The following EIF4G2 variants were observed in gnomAD, a reference collection of about 807,000 sequenced individuals.
EIF4G2 encodes the protein DAP-5.
EIF4G2 carries 8 observed loss-of-function variants against 117.7 expected under a neutral mutation model. The observed-to-expected ratio is 0.07, with a 90% confidence interval of 0.04 to 0.12. The LOEUF is 0.12. EIF4G2 is among the 10% of genes least tolerant of loss of function. The pLI is 1.00. For missense variants in EIF4G2, 812 were observed against 1,086.2 expected (o/e 0.75, Z 3.55); for synonymous variants, 413 against 367.8 (o/e 1.12, Z -1.41).
In EIF4G2 at chr11:10,800,714, G is replaced by A. The variant is rs1564981479; in HGVS notation, c.1644+17C>T. ...AATACAGGCTAATTACACTAAAATG[G>A]GATATTTGAAACTTACAGTTAGTTT... On this transcript the variant is annotated intron_variant, in intron 16 of 21. Coordinates refer to ENST00000339995, the MANE Select transcript of EIF4G2 (RefSeq NM_001418.4). 5 of 1,613,956 alleles carry A rather than the reference G, an allele frequency of 3.1e-6. No individual in the cohort carries two copies. Among genetic ancestry groups the A allele is most frequent in the East Asian group, 2.2e-5 (1 of 44,884 alleles).
chr11:10,800,403 C>T, intron 17 of EIF4G2, 29 bp downstream of exon 17: 1 of 1,613,470 alleles, frequency 6.2e-7, no homozygotes, highest in Non-Finnish European at 8.5e-7. Flanking sequence ...GGTAAGAGTT[C>T]TTACCACACA....
At chr11:10,806,146 A>G in intron 3 of EIF4G2, 99 bp from the exon 4 acceptor site, 1 of 1,519,102 alleles carries the variant, frequency 6.6e-7, no homozygotes, top group Non-Finnish European at 8.9e-7. Flanking sequence ...GGCTTTCTCG[A>G]CTTCCCCTCC....
Position 10,808,806 on chromosome 11 carries a change from G to GGGGGA in EIF4G2, c.-193_-189dup, listed in dbSNP as rs1489978387. The GGGGGA allele has an allele frequency of 5.9e-6, 1 of 169,784 alleles. No homozygotes were observed. The highest frequency in any genetic ancestry group is 1.3e-5 in the Non-Finnish European group (1 of 77,324). 10.5% of individuals were successfully genotyped at this position (169,784 alleles called of 1,614,324 possible). A position where few individuals can be genotyped will look rare whatever the true frequency, so the allele number is the denominator to read the frequency against. On this transcript the variant is annotated 5_prime_UTR_variant, in exon 1 of 22. Transcript: ENST00000339995. The stretch of plus-strand genomic sequence containing the variant: ...AAAGGGGAACGGAAAACAAAAAAAA[G>GGGGGA]GGGGAGGGAAGGGGGAGGAAGGAGT...
intron 14 of EIF4G2, 47 bp from the exon 15 acceptor site, chr11:10,801,134 C>T (rs371118693): frequency 1.3e-4 from 213 of 1,607,926 alleles, no homozygotes; most frequent in Non-Finnish European, 1.6e-4. Flanking sequence ...ATGCAGTTGG[C>T]GAACATATTA....
In EIF4G2 at chr11:10,803,653, C is replaced by A; in HGVS notation, c.703-63G>T. 2.1e-6 allele frequency: 3 copies of A among 1,428,916 alleles called. No individual in the cohort carries two copies. The highest frequency in any genetic ancestry group is 1.7e-5 in the Admixed American group (1 of 58,814). The allele number at this position is 1,428,916 out of a possible 1,614,324, so 88.5% of individuals were successfully genotyped here. On this transcript the variant is annotated intron_variant, in intron 8 of 21. Coordinates refer to ENST00000339995, the MANE Select transcript of EIF4G2 (RefSeq NM_001418.4). This position sits in a 1 kb window ranked among gnomAD's most constrained non-coding sequence, Gnocchi z 4.0. ...TACTCTGGTTTAGGCGTAGTACTTT[C>A]TTTCCCTTTATGTTTGCACTGACTC...
At chr11:10,798,870 G>A in intron 21 of EIF4G2, 122 bp downstream of exon 21, 1 of 1,146,126 alleles carries the variant, frequency 8.7e-7, no homozygotes, top group Non-Finnish European at 1.2e-6. Flanking sequence ...GAAATGTACA[G>A]GTGAAGACAA....
intron 21 of EIF4G2, among the ~76,000 whole-genome samples, chr11:10,798,120 T>C (rs999852517): frequency 2.0e-5 from 3 of 152,130 alleles, no homozygotes; most frequent in Non-Finnish European, 2.9e-5. Flanking sequence ...AATAAAAAGG[T>C]AGGAAGATGC....
intron 11 of EIF4G2, 102 bp downstream of exon 11, chr11:10,802,928 A>T: frequency 2.1e-6 from 2 of 964,350 alleles, no homozygotes; most frequent in Non-Finnish European, 3.1e-6. Context: ...CACCACTAAG[A>T]TGAGACAGAC....
intron 3 of EIF4G2, chr11:10,806,297 T>G (rs954552532): frequency 3.7e-6 from 2 of 536,000 alleles, no homozygotes; most frequent in Non-Finnish European, 6.6e-6. Flanking sequence ...AATTTGCATG[T>G]CTAGTAAATA....
rs753847685 is a variant in EIF4G2, at chr11:10,805,999, A to G, written c.156T>C (p.Pro52=). 1 of 1,614,230 alleles carries G rather than the reference A, an allele frequency of 6.2e-7. No homozygotes were observed. Among genetic ancestry groups the G allele is most frequent in the South Asian group, 1.1e-5 (1 of 91,084 alleles). The change falls in exon 4 of 22, where the codon CCT becomes CCC. Residue 52 remains proline, a synonymous_variant. Coordinates refer to ENST00000339995, the MANE Select transcript of EIF4G2 (RefSeq NM_001418.4). The stretch of plus-strand genomic sequence containing the variant: ...TGTCATCTCGTCTAGTGCTTCGTGC[A>G]GGAATCCATTTCTGAGCGTTTTGCC...
intron 11 of EIF4G2, among the ~76,000 whole-genome samples, 197 bp from the exon 12 acceptor site, chr11:10,802,632 C>T (rs1847459078): frequency 6.6e-6 from 1 of 152,148 alleles, no homozygotes; most frequent in African/African-American, 2.4e-5. Flanking sequence ...TTTGGGAGGC[C>T]CAAGCCTTGG....
chr11:10,806,241 G>C, intron 3 of EIF4G2, 194 bp from the exon 4 acceptor site: 1 of 714,388 alleles, frequency 1.4e-6, no homozygotes. Context: ...ACAGATTGCT[G>C]GGCCCACCCA....
At chr11:10,798,950 C>A in intron 21 of EIF4G2, 42 bp downstream of exon 21, 1 of 1,575,300 alleles carries the variant, frequency 6.3e-7, no homozygotes, top group Admixed American at 2.1e-5. Flanking sequence ...TAATACCAAG[C>A]AAACTGAAGT....
At chr11:10,805,278 T>C (rs1590044230) in intron 4 of EIF4G2, among the ~76,000 whole-genome samples, 1 of 152,184 alleles carries the variant, frequency 6.6e-6, no homozygotes, top group East Asian at 1.9e-4. Flanking sequence ...AAAGATCTCA[T>C]TATCAAGGCT....
At chr11:10,805,833 G>T in intron 4 of EIF4G2, 74 bp downstream of exon 4, 1 of 1,601,244 alleles carries the variant, frequency 6.2e-7, no homozygotes, top group Non-Finnish European at 8.6e-7. Flanking sequence ...TGCCTTCTTA[G>T]TAATACAGCA....
At chr11:10,805,300 T>G (rs917554291) in intron 4 of EIF4G2, among the ~76,000 whole-genome samples, 1 of 152,198 alleles carries the variant, frequency 6.6e-6, no homozygotes, top group Non-Finnish European at 1.5e-5. Context: ...GACCATGAAC[T>G]AAGACCATTA....
chr11:10,807,712 G>A, intron 1 of EIF4G2: 2 of 993,696 alleles, frequency 2.0e-6, no homozygotes, highest in South Asian at 4.5e-5. Context: ...GCAACATCAC[G>A]TGGAAAATGT....
rs117826910 is a variant in EIF4G2, at chr11:10,803,433, A to G, written c.813+47T>C. The G allele has an allele frequency of 2.1e-3, 3,374 of 1,584,706 alleles. 73 individuals are homozygous for G. In the East Asian group the frequency reaches 0.058, roughly 27 times the overall value. On this transcript the variant is annotated intron_variant, in intron 9 of 21. Coordinates refer to ENST00000339995, the MANE Select transcript of EIF4G2 (RefSeq NM_001418.4). The surrounding 1 kb of genome is among the most constrained non-coding windows in gnomAD (Gnocchi z 4.0). ...TGATGTCACAAAAATCAATAGCTTG[A>G]TTTAAAGACAAACTACTTGTACTAC...
chr11:10,806,979 A>T, intron 2 of EIF4G2, 94 bp from the exon 3 acceptor site: 1 of 1,448,678 alleles, frequency 6.9e-7, no homozygotes, highest in Non-Finnish European at 9.6e-7. Flanking sequence ...GCTTGTAGAG[A>T]TGGGGGTCTC....
Sources: gnomAD v4.1 joint callset for allele counts (sites outside exome capture counted in the v4.1 genomes callset) on GRCh38, gnomAD v4.1.1 for gene constraint, Gnocchi (gnomAD v3.1) non-coding constraint, MANE v1.5 for transcripts, NCBI Gene and HGNC (gene_info 2026-07-23, HGNC 2026-07-21) for gene names.